QRFPR: variants seen among roughly 807,000 people sequenced by gnomAD.
QRFPR encodes the protein pyroglutamylated RFamide peptide receptor.
In QRFPR, 37 loss-of-function variants were observed where a neutral mutation model predicts 31.3. The ratio of observed to expected loss-of-function variants is 1.18; its 90% CI spans 0.91 to 1.56. QRFPR has a LOEUF of 1.56. QRFPR is among the 40% of genes most tolerant of loss of function. QRFPR has a pLI of 0.00. For missense variants in QRFPR, 542 were observed against 532.5 expected, an observed-to-expected ratio of 1.02 and a Z score of -0.18; for synonymous variants, 197 against 192.0, an observed-to-expected ratio of 1.03 and a Z score of -0.22.
At chr4:121,332,504 T>C (rs1725345639) in intron 4 of QRFPR, among the ~76,000 whole-genome samples, 1 of 152,078 alleles carries the variant, frequency 6.6e-6, no homozygotes, top group Non-Finnish European at 1.5e-5. Flanking sequence ...TGGTGAGTGA[T>C]AGAGAGAGTA....
rs965065758 is a variant in QRFPR, at chr4:121,380,303, C to G, written c.340+5G>C. 6.2e-7 allele frequency: 1 copy of G among 1,608,116 alleles called. No individual in the cohort carries two copies. Among genetic ancestry groups the G allele is most frequent in the South Asian group, 1.1e-5 (1 of 90,642 alleles). ...AGGAGCGAAGGAGCGGGGCGCGACT[C>G]TTACCCCCCAGCCAGTTGTCGGAAA... On this transcript the variant is annotated splice_donor_5th_base_variant and intron_variant, in intron 1 of 5. Coordinates refer to ENST00000394427, the MANE Select transcript of QRFPR (RefSeq NM_198179.3).
chr4:121,359,250 G>A (rs1418088743), intron 1 of QRFPR, among the ~76,000 whole-genome samples: 1 of 152,174 alleles, frequency 6.6e-6, no homozygotes, highest in Non-Finnish European at 1.5e-5. Flanking sequence ...GACAGCTGAT[G>A]TGATGGTTAA....
At chr4:121,331,189 T>G (rs1188518646) in intron 4 of QRFPR, among the ~76,000 whole-genome samples, 1 of 139,886 alleles carries the variant, frequency 7.1e-6, no homozygotes, top group Non-Finnish European at 1.5e-5. Context: ...TTTTTTTTTT[T>G]TTTTTTTTTT....
At chr4:121,365,550 A>ATTTTATATATT in intron 1 of QRFPR, among the ~76,000 whole-genome samples, 1 of 7,924 alleles carries the variant, frequency 1.3e-4, no homozygotes, top group Non-Finnish European at 2.0e-4. Flanking sequence ...TATTATATAT[A>ATTTTATATATT]ATATATAATA....
intron 1 of QRFPR, among the ~76,000 whole-genome samples, chr4:121,360,084 T>C (rs1319104842): frequency 6.6e-6 from 1 of 152,190 alleles, no homozygotes; most frequent in African/African-American, 2.4e-5. Context: ...TAAAATTTAT[T>C]GTGTACAATG....
Position 121,330,341 on chromosome 4 carries a change from A to G in QRFPR, c.895+85T>C. On this transcript the variant is annotated intron_variant, in intron 5 of 5. Coordinates refer to ENST00000394427, the MANE Select transcript of QRFPR (RefSeq NM_198179.3). Reference sequence around the variant, plus strand: ...GTTAGGTATTTGATTATCCAAGTGAACAGCGACACATTTCAAAGATTCATT... The same window carrying G: ...GTTAGGTATTTGATTATCCAAGTGAGCAGCGACACATTTCAAAGATTCATT... The G allele has an allele frequency of 3.3e-6, 3 of 919,310 alleles. No individual in the cohort carries two copies. In the East Asian group the frequency reaches 7.3e-5, roughly 22 times the overall value. The allele number at this position is 919,310 out of a possible 1,614,324, so 56.9% of individuals were successfully genotyped here. A position where few individuals can be genotyped will look rare whatever the true frequency, so the allele number is the denominator to read the frequency against.
intron 1 of QRFPR, among the ~76,000 whole-genome samples, chr4:121,347,641 C>T (rs553819925): frequency 2.0e-5 from 3 of 152,138 alleles, no homozygotes; most frequent in African/African-American, 7.2e-5. Context: ...TCTTGCCCCC[C>T]ACTTGTGAGA....
chr4:121,359,829 C>G (rs1051663132), intron 1 of QRFPR, among the ~76,000 whole-genome samples: 1 of 149,536 alleles, frequency 6.7e-6, no homozygotes, highest in Non-Finnish European at 1.5e-5. Flanking sequence ...ATATATATAT[C>G]TCTCTCCTAT....
chr4:121,341,378 T>G (rs1725540873), intron 1 of QRFPR, among the ~76,000 whole-genome samples: 1 of 152,190 alleles, frequency 6.6e-6, no homozygotes, highest in Admixed American at 6.5e-5. Flanking sequence ...TCAGGGAATG[T>G]GAAGTTGGAA....
intron 1 of QRFPR, among the ~76,000 whole-genome samples, chr4:121,364,495 C>T (rs1404037491): frequency 6.7e-6 from 1 of 149,034 alleles, no homozygotes; most frequent in Admixed American, 6.7e-5. Context: ...ACAAAATTAG[C>T]CAGGCATGGT....
chr4:121,342,852 G>A (rs1171768990), intron 1 of QRFPR, among the ~76,000 whole-genome samples: 2 of 152,008 alleles, frequency 1.3e-5, no homozygotes, highest in Non-Finnish European at 2.9e-5. Context: ...GGCCCTAATT[G>A]GAAAAAGTGC....
chr4:121,371,519 T>A (rs1726245559), intron 1 of QRFPR, among the ~76,000 whole-genome samples: 2 of 151,894 alleles, frequency 1.3e-5, no homozygotes, highest in African/African-American at 4.8e-5. Context: ...GGAGTATATA[T>A]CAATAAATGA....
intron 1 of QRFPR, among the ~76,000 whole-genome samples, chr4:121,347,595 G>T (rs571890609): frequency 6.6e-6 from 1 of 152,008 alleles, no homozygotes; most frequent in Non-Finnish European, 1.5e-5. Context: ...ATATATTAAC[G>T]CCCTCTCCAT....
intron 1 of QRFPR, among the ~76,000 whole-genome samples, chr4:121,375,470 C>T (rs1458002165): frequency 6.6e-6 from 1 of 152,140 alleles, no homozygotes; most frequent in Non-Finnish European, 1.5e-5. Flanking sequence ...AGGAAATACC[C>T]AAGAAATGCT....
At chr4:121,335,812 C>G (rs893747277) in intron 3 of QRFPR, among the ~76,000 whole-genome samples, 17 of 151,994 alleles carry the variant, frequency 1.1e-4, no homozygotes, top group African/African-American at 4.1e-4. Flanking sequence ...GTGAAAGTAA[C>G]CAGAGAAATT....
chr4:121,334,547 CA>C, intron 3 of QRFPR: 1 of 238,964 alleles, frequency 4.2e-6, no homozygotes, highest in East Asian at 1.2e-4. Context: ...CCACATTGAT[CA>C]AGGCATCATA....
chr4:121,369,486 G>T, intron 1 of QRFPR: 1 of 1,230,748 alleles, frequency 8.1e-7, no homozygotes, highest in Non-Finnish European at 1.2e-6. Context: ...TTATGTGCCC[G>T]TGGTGGCTGT....
chr4:121,335,219 TTAAA>T (rs10567572), intron 3 of QRFPR, among the ~76,000 whole-genome samples: 26,070 of 152,036 alleles, frequency 0.17, 2,532 homozygotes, highest in Non-Finnish European at 0.23. Context: ...TTTTTCTATA[TTAAA>T]TAAAACAAAA....
intron 1 of QRFPR, among the ~76,000 whole-genome samples, chr4:121,362,888 G>A (rs1726019102): frequency 6.7e-6 from 1 of 150,234 alleles, no homozygotes. Flanking sequence ...ACCCATTATT[G>A]TTATTGAAAT....
Sources: allele counts gnomAD v4.1 joint callset (sites outside exome capture counted in the v4.1 genomes callset), GRCh38; gene constraint gnomAD v4.1.1; transcripts MANE v1.5; gene names NCBI Gene and HGNC (gene_info 2026-07-23, HGNC 2026-07-21).